PLXNA2: variants seen among roughly 807,000 people sequenced by gnomAD.
PLXNA2 encodes plexin A2, also known as plexin-A2.
PLXNA2 carries 91 observed loss-of-function variants against 193.5 expected under a neutral mutation model. The observed-to-expected ratio is 0.47, with a 90% CI of 0.40 to 0.56. The LOEUF (loss-of-function observed/expected upper bound fraction) is 0.56, where lower values mean the gene tolerates loss of function less well. PLXNA2 is among the 20% of genes least tolerant of loss of function. PLXNA2 has a pLI of 0.00. For missense variants in PLXNA2, 1,995 were observed against 2,503.2 expected (o/e 0.80, Z 4.33); for synonymous variants, 997 against 1,027.3 (o/e 0.97, Z 0.56).
In PLXNA2 at chr1:208,040,005, T is replaced by C; in HGVS notation, c.4340A>G (p.His1447Arg). 6.2e-7 allele frequency: 1 copy of C among 1,614,042 alleles called. No homozygotes were observed. The change falls in exon 23 of 32, where the codon CAC becomes CGC. Residue 1447 changes from histidine (H) to arginine (R), a missense_variant. Coordinates refer to ENST00000367033, the MANE Select transcript of PLXNA2 (RefSeq NM_025179.4). ...MLTNWFAFLL[H>R]KFLKECAGEP... ...TCCCTTTCTCACCTTTAGGAACTTG[T>C]GCAGGAGGAAGGCGAACCAATTGGT...
chr1:208,077,397 G>A (rs1300616090), intron 12 of PLXNA2, among the ~76,000 whole-genome samples: 2 of 152,206 alleles, frequency 1.3e-5, no homozygotes, highest in Admixed American at 6.5e-5. Flanking sequence ...TCAGCGAGCA[G>A]GGGCGGCTGA....
At chr1:208,161,534 A>G (rs1669104582) in intron 3 of PLXNA2, among the ~76,000 whole-genome samples, 1 of 152,218 alleles carries the variant, frequency 6.6e-6, no homozygotes, top group Non-Finnish European at 1.5e-5. Flanking sequence ...AGAGTAGATT[A>G]CTAATACGCA....
chr1:208,042,962 GCTAAC>G, intron 21 of PLXNA2, 94 bp downstream of exon 21: 2 of 1,266,464 alleles, frequency 1.6e-6, no homozygotes, highest in Non-Finnish European at 2.2e-6. Flanking sequence ...CCTCTTCCCT[GCTAAC>G]CTTACTCAGT....
rs80314002 is a variant in PLXNA2 at position 208,186,040 on chromosome 1, C to A, written c.1371+24240G>T. The stretch of plus-strand genomic sequence containing the variant: ...AGTGTACACGCACAGGTGGGGAAAG[C>A]ATCCCCATGACTTTCTGAGGGAGTT... On this transcript the variant is annotated intron_variant, in intron 3 of 31. Coordinates refer to ENST00000367033, the MANE Select transcript of PLXNA2 (RefSeq NM_025179.4). Among the ~76,000 whole-genome samples, 1,449 of 152,288 alleles carry A rather than the reference C, an allele frequency of 9.5e-3. 26 individuals are homozygous for A. Among genetic ancestry groups the A allele is most frequent in the African/African-American group, 0.033 (1,373 of 41,546 alleles).
rs150860580 is a variant in PLXNA2 at position 208,149,972 on chromosome 1, C to T, written c.1372-7509G>A. On this transcript the variant is annotated intron_variant, in intron 3 of 31. Coordinates refer to ENST00000367033, the MANE Select transcript of PLXNA2 (RefSeq NM_025179.4). ...ATTAACTAAGCTTGCAGAGTCAAAACTCAGCAGGCTGAGGCTCCCTGGAGG... is the reference window on the plus strand; with the variant it reads ...ATTAACTAAGCTTGCAGAGTCAAAATTCAGCAGGCTGAGGCTCCCTGGAGG... 4.7e-3 allele frequency among the ~76,000 whole-genome samples: 709 copies of T among 152,304 alleles called. 8 individuals carry two copies. Among genetic ancestry groups the T allele is most frequent in the African/African-American group, 0.015 (644 of 41,564 alleles).
In PLXNA2 at chr1:208,208,788, G is replaced by A. The variant is rs187433889; in HGVS notation, c.1371+1492C>T. The stretch of plus-strand genomic sequence containing the variant: ...CCATGAGCAGATGTTTATACCACAG[G>A]GTACATGATGTGACAGGGAGAGCTC... On this transcript the variant is annotated intron_variant, in intron 3 of 31. Transcript: ENST00000367033. 2.0e-5 allele frequency among the ~76,000 whole-genome samples: 3 copies of A among 152,264 alleles called. No individual in the cohort carries two copies. The East Asian group carries it at 5.8e-4, about 29-fold the overall frequency.
At chr1:208,096,481 A>G (rs1434680901) in intron 7 of PLXNA2, among the ~76,000 whole-genome samples, 1 of 152,194 alleles carries the variant, frequency 6.6e-6, no homozygotes, top group Non-Finnish European at 1.5e-5. Flanking sequence ...AAGCCACTCC[A>G]TTCCTAGGAG....
At chr1:208,232,468 C>T (rs1671720901) in intron 1 of PLXNA2, among the ~76,000 whole-genome samples, 1 of 152,182 alleles carries the variant, frequency 6.6e-6, no homozygotes, top group South Asian at 2.1e-4. Flanking sequence ...TTTAATAACC[C>T]TTCTATTTCG....
chr1:208,207,953 C>T (rs149965860), intron 3 of PLXNA2, among the ~76,000 whole-genome samples: 5 of 152,364 alleles, frequency 3.3e-5, no homozygotes, highest in East Asian at 1.9e-4. Flanking sequence ...TGGGTAACCA[C>T]GCCCCCAGCT....
chr1:208,138,253 A>G (rs1029450527), intron 4 of PLXNA2, among the ~76,000 whole-genome samples: 6 of 152,214 alleles, frequency 3.9e-5, no homozygotes, highest in Non-Finnish European at 8.8e-5. Context: ...CACCTTCAGT[A>G]CACTCTTCAA....
Position 208,045,884 on chromosome 1 carries a change from A to C in PLXNA2, c.3489T>G (p.Ile1163Met). ...VLDQKPGSPI[I>M]LKGKNLCPPA... is the part of the protein sequence containing the mutation. ...CTCTGGCGGGCACTCCTACCTTCAGAATGATGGGCGATCCTGGCTTTTGAT... is the reference window on the plus strand; with the variant it reads ...CTCTGGCGGGCACTCCTACCTTCAGCATGATGGGCGATCCTGGCTTTTGAT... The change falls in exon 18 of 32, where the codon ATT becomes ATG. Residue 1163 changes from isoleucine (I) to methionine (M), a missense_variant. Transcript: ENST00000367033. The C allele has an allele frequency of 6.2e-7, 1 of 1,614,228 alleles. No homozygotes were observed. Among genetic ancestry groups the C allele is most frequent in the Non-Finnish European group, 8.5e-7 (1 of 1,180,030 alleles).
intron 4 of PLXNA2, among the ~76,000 whole-genome samples, chr1:208,128,954 C>T (rs1458835373): frequency 6.6e-6 from 1 of 152,168 alleles, no homozygotes; most frequent in African/African-American, 2.4e-5. Flanking sequence ...CTCAGCCTCG[C>T]AAAGTGCTGG....
intron 4 of PLXNA2, among the ~76,000 whole-genome samples, chr1:208,128,695 CTTTTTTTT>C (rs34853346): frequency 2.4e-4 from 20 of 81,674 alleles, no homozygotes; most frequent in African/African-American, 8.7e-4. Context: ...CTGTTTCTTT[CTTTTTTTT>C]TTTTTTTTTT....
intron 14 of PLXNA2, 29 bp from the exon 15 acceptor site, chr1:208,052,492 A>G (rs1252965591): frequency 6.2e-7 from 1 of 1,611,326 alleles, no homozygotes; most frequent in South Asian, 1.1e-5. Flanking sequence ...AAATGACTAC[A>G]GCTTAGGTTT....
intron 3 of PLXNA2, among the ~76,000 whole-genome samples, chr1:208,204,018 G>A (rs1344779344): frequency 1.3e-5 from 2 of 152,232 alleles, no homozygotes; most frequent in East Asian, 3.9e-4. Flanking sequence ...ACAAAGAGAA[G>A]AATAGAATTG....
intron 1 of PLXNA2, among the ~76,000 whole-genome samples, chr1:208,226,778 C>T (rs1433407101): frequency 6.6e-6 from 1 of 152,228 alleles, no homozygotes; most frequent in Non-Finnish European, 1.5e-5. Flanking sequence ...AGCTGCCTTC[C>T]CTGCCACCCC....
chr1:208,076,036 C>A (rs1030877669), intron 12 of PLXNA2, among the ~76,000 whole-genome samples: 1 of 141,718 alleles, frequency 7.1e-6, no homozygotes, highest in African/African-American at 2.6e-5. Context: ...CCAGCCTGGG[C>A]GACAGAGTGA....
intron 3 of PLXNA2, among the ~76,000 whole-genome samples, chr1:208,208,871 A>G (rs551841177): frequency 4.7e-4 from 72 of 152,304 alleles, no homozygotes; most frequent in African/African-American, 1.6e-3. Context: ...GCCAGGCACA[A>G]TTTGCTCAAC....
At chr1:208,030,578 G>C (rs907303774) in intron 29 of PLXNA2, 7 of 985,420 alleles carry the variant, frequency 7.1e-6, no homozygotes, top group Non-Finnish European at 8.4e-6. Context: ...AAGGCTCAGC[G>C]ACCACAAGAC....
Sources: gnomAD v4.1 joint callset for allele counts (sites outside exome capture counted in the v4.1 genomes callset) on GRCh38, gnomAD v4.1.1 for gene constraint, MANE v1.5 for transcripts, NCBI Gene and HGNC (gene_info 2026-07-23, HGNC 2026-07-21) for gene names.